Variants in SLC25A26 observed in about 807,000 individuals in gnomAD.
SLC25A26 encodes the protein mitochondrial S-adenosylmethionine carrier protein.
SLC25A26 carries 36 observed loss-of-function variants against 37.8 expected under a neutral mutation model. The ratio of observed to expected loss-of-function variants is 0.95; its 90% CI spans 0.73 to 1.26. The LOEUF (loss-of-function observed/expected upper bound fraction) is 1.26. Among genes scored for constraint, SLC25A26 ranks in the 50% most tolerant of loss-of-function variants. SLC25A26 has a pLI of 0.00. For synonymous variants in SLC25A26, 129 were observed against 122.5 expected (o/e 1.05, Z -0.35); for missense variants, 390 against 331.1 (o/e 1.18, Z -1.38).
intron 1 of SLC25A26, among the ~76,000 whole-genome samples, chr3:66,184,469 C>T (rs147401221): frequency 6.7e-6 from 1 of 149,554 alleles, no homozygotes; most frequent in Admixed American, 6.6e-5. Context: ...TCACTATGAC[C>T]TTGAAAAGAC....
intron 5 of SLC25A26, among the ~76,000 whole-genome samples, chr3:66,342,714 T>C (rs1359811840): frequency 1.3e-5 from 2 of 152,236 alleles, no homozygotes; most frequent in African/African-American, 4.8e-5. Context: ...GATTTCATTT[T>C]ATCCCTATTT....
At chr3:66,336,727 A>G (rs766449365) in intron 5 of SLC25A26, among the ~76,000 whole-genome samples, 9 of 152,206 alleles carry the variant, frequency 5.9e-5, no homozygotes, top group Admixed American at 3.9e-4. Context: ...TTCATGAACA[A>G]GAATCATCCT....
At chr3:66,143,188 C>T (rs1411086251) in intron 1 of SLC25A26, among the ~76,000 whole-genome samples, 1 of 152,060 alleles carries the variant, frequency 6.6e-6, no homozygotes, top group Non-Finnish European at 1.5e-5. Flanking sequence ...TTGCCATTAT[C>T]CATTATATCC....
chr3:66,227,863 C>T (rs1461132636), intron 1 of SLC25A26, among the ~76,000 whole-genome samples: 1 of 151,962 alleles, frequency 6.6e-6, no homozygotes, highest in Admixed American at 6.6e-5. Flanking sequence ...AAAGGTAATA[C>T]GAATGAAGTA....
At position 66,209,928 on chromosome 3, in the gene SLC25A26, A is replaced by C. The variant is rs1411260532; in HGVS notation, c.-353-10814A>C. Among the ~76,000 whole-genome samples, 302 of 74,660 alleles carry C rather than the reference A, an allele frequency of 4.0e-3. 29 individuals are homozygous for C. The highest frequency in any genetic ancestry group is 0.019 in the East Asian group (51 of 2,636). 49.0% of individuals were successfully genotyped at this position (74,660 alleles called of 152,430 possible). ...TATATATATATATATATATATATAT[A>C]TATATATATATATATATATGCAGTA... On this transcript the variant is annotated intron_variant, in intron 1 of 10. Coordinates refer to the SLC25A26 transcript ENST00000676754.
intron 6 of SLC25A26, among the ~76,000 whole-genome samples, chr3:66,351,818 A>C (rs535283452): frequency 3.9e-5 from 6 of 152,264 alleles, no homozygotes; most frequent in Non-Finnish European, 8.8e-5. Context: ...TAGCCCATCA[A>C]CAAGTTCACT....
At chr3:66,376,064 TG>T in intron 9 of SLC25A26, among the ~76,000 whole-genome samples, 1 of 148,994 alleles carries the variant, frequency 6.7e-6, no homozygotes, top group Non-Finnish European at 1.5e-5. Flanking sequence ...CTAGATGTAC[TG>T]GAAATGGCAA....
chr3:66,363,946 TGTTAAATAA>T (rs2076770283), intron 7 of SLC25A26, among the ~76,000 whole-genome samples: 1 of 151,738 alleles, frequency 6.6e-6, no homozygotes, highest in Non-Finnish European at 1.5e-5. Flanking sequence ...TCATTAGCTG[TGTTAAATAA>T]GTAGGTGGTC....
At chr3:66,244,314 G>C (rs13097573) in intron 3 of SLC25A26, among the ~76,000 whole-genome samples, 32,583 of 152,140 alleles carry the variant, frequency 0.21, 3,870 homozygotes, top group Admixed American at 0.28. Flanking sequence ...GAATAACATA[G>C]TCTCAAAACA....
At chr3:66,242,116 A>G (rs569261989) in intron 2 of SLC25A26, among the ~76,000 whole-genome samples, 109 of 152,302 alleles carry the variant, frequency 7.2e-4, no homozygotes, top group Middle Eastern at 3.4e-3. Context: ...TTACAAAAGA[A>G]GCCATAAAGT....
intron 1 of SLC25A26, among the ~76,000 whole-genome samples, chr3:66,236,117 G>T (rs1164607583): frequency 6.6e-6 from 1 of 150,556 alleles, no homozygotes; most frequent in Non-Finnish European, 1.5e-5. Flanking sequence ...TCACTGTGTT[G>T]CACAGGCTGG....
At chr3:66,195,328 C>T (rs1294350968) in intron 1 of SLC25A26, among the ~76,000 whole-genome samples, 1 of 152,230 alleles carries the variant, frequency 6.6e-6, no homozygotes, top group Non-Finnish European at 1.5e-5. Context: ...ATTGAGCATG[C>T]ACAGACTATT....
intron 5 of SLC25A26, among the ~76,000 whole-genome samples, chr3:66,303,930 T>G (rs978601181): frequency 1.3e-5 from 2 of 152,218 alleles, no homozygotes; most frequent in East Asian, 3.9e-4. Context: ...AGCGATTGGA[T>G]GGTGACCACA....
intron 7 of SLC25A26, among the ~76,000 whole-genome samples, chr3:66,363,399 T>C (rs533603025): frequency 1.4e-4 from 21 of 152,174 alleles, no homozygotes; most frequent in Non-Finnish European, 2.4e-4. Context: ...CTCCATAACT[T>C]ACTGAAGGGT....
rs572645561 is a variant in SLC25A26, at chr3:66,246,776, T to A, written c.300+3464T>A. Among the ~76,000 whole-genome samples, 3 of 152,302 alleles carry A rather than the reference T, an allele frequency of 2.0e-5. 1 individual carries two copies. The South Asian group carries it at 6.2e-4, about 32-fold the overall frequency. ...CTGGGCTCTTGGTAATTTGCCCATG[T>A]TGGCTTCAGACTCTTGGCCTCAAGA... On this transcript the variant is annotated intron_variant, in intron 3 of 9. Coordinates refer to ENST00000354883, the MANE Select transcript of SLC25A26 (RefSeq NM_001379210.1).
chr3:66,367,847 C>T (rs2076859465), intron 7 of SLC25A26, among the ~76,000 whole-genome samples: 1 of 152,098 alleles, frequency 6.6e-6, no homozygotes, highest in African/African-American at 2.4e-5. Flanking sequence ...ATTTAAAAGA[C>T]ACAAAGCTTA....
intron 5 of SLC25A26, among the ~76,000 whole-genome samples, chr3:66,304,989 G>T (rs964062702): frequency 1.3e-5 from 2 of 152,120 alleles, no homozygotes; most frequent in Non-Finnish European, 2.9e-5. Flanking sequence ...TTATGACACG[G>T]TAGTATCACT....
chr3:66,334,615 C>T lies in SLC25A26; in HGVS notation c.454-11749C>T, dbSNP rs541029271. Among the ~76,000 whole-genome samples the T allele has an allele frequency of 4.6e-5, 7 of 152,210 alleles. No individual in the cohort carries two copies. The South Asian group carries it at 1.2e-3, about 27-fold the overall frequency. ...ATAGGTGTGAATTACTGCGCCGGGC[C>T]CTGAGTGGAAGCTTTAGGAGGTGTA... On this transcript the variant is annotated intron_variant, in intron 5 of 9. Transcript: ENST00000354883.
chr3:66,300,251 GTTTTGTTTTTTTTTTT>G (rs1429959085), intron 5 of SLC25A26, among the ~76,000 whole-genome samples: 1 of 111,616 alleles, frequency 9.0e-6, no homozygotes, highest in Non-Finnish European at 1.9e-5. Flanking sequence ...GGGTTTTTTT[GTTTTGTTTTTTTTTTT>G]TTTTTTGGTG....
Sources: allele counts gnomAD v4.1 joint callset (sites outside exome capture counted in the v4.1 genomes callset), GRCh38; gene constraint gnomAD v4.1.1; transcripts MANE v1.5; gene names NCBI Gene and HGNC (gene_info 2026-07-23, HGNC 2026-07-21).